QRICH1: variants seen among roughly 807,000 people sequenced by gnomAD.
QRICH1 encodes the protein transcriptional regulator QRICH1.
In QRICH1, 16 loss-of-function variants were observed where a neutral mutation model predicts 87.1. The ratio of observed to expected loss-of-function variants is 0.18; its 90% CI spans 0.12 to 0.28. The LOEUF is 0.28. QRICH1 is among the 10% of genes least tolerant of loss of function. The pLI is 1.00. For missense variants in QRICH1, 647 were observed against 951.7 expected (o/e 0.68, Z 4.21); for synonymous variants, 367 against 368.4 (o/e 1.00, Z 0.05).
intron 4 of QRICH1, 92 bp downstream of exon 4, chr3:49,046,977 C>T (rs2093342596): frequency 2.1e-6 from 3 of 1,417,746 alleles, no homozygotes; most frequent in Non-Finnish European, 2.9e-6. Flanking sequence ...GTCCCCAAGA[C>T]AGGAGACACC....
At chr3:49,082,730 C>T (rs2042086092) in intron 1 of QRICH1, among the ~76,000 whole-genome samples, 1 of 151,564 alleles carries the variant, frequency 6.6e-6, no homozygotes, top group Admixed American at 6.6e-5. Flanking sequence ...CCTGTCTCTA[C>T]TAAAAATACA....
At chr3:49,076,499 T>A (rs1285921740) in intron 2 of QRICH1, among the ~76,000 whole-genome samples, 1 of 148,144 alleles carries the variant, frequency 6.8e-6, no homozygotes, top group Non-Finnish European at 1.5e-5. Flanking sequence ...CTATTCAAAG[T>A]CAGTCCTTGA....
At chr3:49,061,204 C>A (rs1047965081) in intron 2 of QRICH1, among the ~76,000 whole-genome samples, 1 of 144,354 alleles carries the variant, frequency 6.9e-6, no homozygotes, top group South Asian at 2.2e-4. Flanking sequence ...ACAGTTTCAT[C>A]CCAAAGCACC....
At position 49,090,235 on chromosome 3, in the gene QRICH1, G is replaced by A. The variant is rs551008158; in HGVS notation, c.-22+3677C>T. Among the ~76,000 whole-genome samples the A allele has an allele frequency of 2.7e-4, 41 of 152,068 alleles. 1 individual carries two copies. The South Asian group carries it at 7.1e-3, about 26-fold the overall frequency. On this transcript the variant is annotated intron_variant, in intron 1 of 9. Transcript: ENST00000395443. ...AGCACTGTGGGAGGCCGAGGCGGGCGGATCACGAGGTCAGGAGATCAAGAC... is the reference window on the plus strand; with the variant it reads ...AGCACTGTGGGAGGCCGAGGCGGGCAGATCACGAGGTCAGGAGATCAAGAC...
In QRICH1 at chr3:49,093,925, T is replaced by TGCCGCC. The variant is rs540671814; in HGVS notation, c.-41_-36dup. 1.7e-4 allele frequency: 42 copies of TGCCGCC among 242,366 alleles called. No homozygotes were observed. Among genetic ancestry groups the TGCCGCC allele is most frequent in the Middle Eastern group, 1.2e-3 (1 of 812 alleles). 15.0% of individuals were successfully genotyped at this position (242,366 alleles called of 1,614,324 possible). A position where few individuals can be genotyped will look rare whatever the true frequency, so the allele number is the denominator to read the frequency against. On this transcript the variant is annotated 5_prime_UTR_variant, in exon 1 of 10. Coordinates refer to ENST00000395443, the MANE Select transcript of QRICH1 (RefSeq NM_198880.3). ...TGGAGCCCTCACCCGGCGACGTCACTGCCGCCGCCGCCGCCGCCTCCGCTG... is the reference window on the plus strand; with the variant it reads ...TGGAGCCCTCACCCGGCGACGTCACTGCCGCCGCCGCCGCCGCCGCCGCCTCCGCTG...
At chr3:49,051,001 G>A (rs1019698138) in intron 3 of QRICH1, among the ~76,000 whole-genome samples, 5 of 152,088 alleles carry the variant, frequency 3.3e-5, no homozygotes, top group Non-Finnish European at 7.4e-5. Flanking sequence ...ACCAATTACC[G>A]TCTTGCTCAA....
chr3:49,086,539 C>A lies in QRICH1; in HGVS notation c.-22+7373G>T, dbSNP rs559026450. On this transcript the variant is annotated intron_variant, in intron 1 of 9. Transcript: ENST00000395443. ...CTGGGATTACAGGTGTGAGCCACTGCGCCTGGCTCCTCTGTATTTCCTCCT... is the reference window on the plus strand; with the variant it reads ...CTGGGATTACAGGTGTGAGCCACTGAGCCTGGCTCCTCTGTATTTCCTCCT... 2.6e-4 allele frequency among the ~76,000 whole-genome samples: 40 copies of A among 152,092 alleles called. 1 individual carries two copies. Among genetic ancestry groups the A allele is most frequent in the Admixed American group, 2.6e-3 (39 of 15,232 alleles).
Position 49,030,364 on chromosome 3 carries a change from GA to G in QRICH1, c.*87del, listed in dbSNP as rs565387821. Reference sequence around the variant, plus strand: ...TTCGTAACTACACCAATAAAAAAAAGAAAAAAAAAAATGGAGGCCTCTTCTT... The same window carrying G: ...TTCGTAACTACACCAATAAAAAAAAGAAAAAAAAAATGGAGGCCTCTTCTT... On this transcript the variant is annotated 3_prime_UTR_variant, in exon 10 of 10. Transcript: ENST00000395443. 26,166 of 1,005,320 alleles carry G rather than the reference GA, an allele frequency of 0.026. 31 individuals carry two copies. Among genetic ancestry groups the G allele is most frequent in the South Asian group, 0.043 (2,257 of 52,776 alleles). The allele number at this position is 1,005,320 out of a possible 1,614,324, so 62.3% of individuals were successfully genotyped here.
Position 49,032,568 on chromosome 3 carries a change from G to A in QRICH1, c.2047+54C>T, listed in dbSNP as rs1165849322. On this transcript the variant is annotated intron_variant, in intron 8 of 9. Coordinates refer to ENST00000395443, the MANE Select transcript of QRICH1 (RefSeq NM_198880.3). Reference sequence around the variant, plus strand: ...ACTAGCCTCACAGGCACAAGGGCAGGACAGGGCAGGACAAGTAGCACCTGT... The same window carrying A: ...ACTAGCCTCACAGGCACAAGGGCAGAACAGGGCAGGACAAGTAGCACCTGT... 3 of 1,501,950 alleles carry A rather than the reference G, an allele frequency of 2.0e-6. No individual in the cohort carries two copies. In the East Asian group the frequency reaches 6.8e-5, roughly 34 times the overall value. 93.0% of individuals were successfully genotyped at this position (1,501,950 alleles called of 1,614,324 possible). A position where few individuals can be genotyped will look rare whatever the true frequency, so the allele number is the denominator to read the frequency against.
At chr3:49,058,086 G>T in intron 2 of QRICH1, 196 bp from the exon 3 acceptor site, 1 of 890,078 alleles carries the variant, frequency 1.1e-6, no homozygotes, top group Non-Finnish European at 1.7e-6. Flanking sequence ...CAATAACAGG[G>T]ACATATATCC....
At chr3:49,060,870 C>G (rs1304404618) in intron 2 of QRICH1, among the ~76,000 whole-genome samples, 1 of 151,850 alleles carries the variant, frequency 6.6e-6, no homozygotes, top group Non-Finnish European at 1.5e-5. Context: ...TTGGCTCACA[C>G]CTGTAATCCC....
At position 49,055,819 on chromosome 3, in the gene QRICH1, T is replaced by C. The variant is rs527708193; in HGVS notation, c.1338+1043A>G. Among the ~76,000 whole-genome samples, 12 of 152,036 alleles carry C rather than the reference T, an allele frequency of 7.9e-5. No individual in the cohort carries two copies. In the East Asian group the frequency reaches 1.7e-3, roughly 22 times the overall value. On this transcript the variant is annotated intron_variant, in intron 3 of 9. Transcript: ENST00000395443. ...TCCTGAGTAGGATTACCTGGGATTA[T>C]AGGTGTGTGCCACCACACCCGGCTA...
chr3:49,056,164 C>T (rs1452165473), intron 3 of QRICH1, among the ~76,000 whole-genome samples: 5 of 151,960 alleles, frequency 3.3e-5, no homozygotes, highest in Non-Finnish European at 5.9e-5. Context: ...TTAGTAGAGA[C>T]GTGGTTTCAT....
At position 49,039,249 on chromosome 3, in the gene QRICH1, A is replaced by G. The variant is rs547544315; in HGVS notation, c.1786+5141T>C. 3.0e-3 allele frequency among the ~76,000 whole-genome samples: 447 copies of G among 150,294 alleles called. 4 individuals carry two copies. The highest frequency in any genetic ancestry group is 0.01 in the African/African-American group (426 of 40,810). On this transcript the variant is annotated intron_variant, in intron 6 of 9. Transcript: ENST00000395443. ...GCACATGCCTGTAATCCCAGCTACT[A>G]GGGAGGCTGAGGCAGGAGAATTGCT...
At chr3:49,075,268 G>A (rs2041928183) in intron 2 of QRICH1, among the ~76,000 whole-genome samples, 1 of 151,442 alleles carries the variant, frequency 6.6e-6, no homozygotes, top group Admixed American at 6.6e-5. Flanking sequence ...GGTCAAAGCT[G>A]CAGTGAGGAG....
intron 1 of QRICH1, among the ~76,000 whole-genome samples, chr3:49,090,241 C>T (rs560647875): frequency 2.6e-5 from 4 of 152,252 alleles, no homozygotes; most frequent in African/African-American, 7.2e-5. Flanking sequence ...GGGCGGATCA[C>T]GAGGTCAGGA....
chr3:49,046,012 T>C (rs1432058534), intron 5 of QRICH1, among the ~76,000 whole-genome samples: 1 of 150,158 alleles, frequency 6.7e-6, no homozygotes, highest in Non-Finnish European at 1.5e-5. Flanking sequence ...ACCTCCCGGG[T>C]TCAAGCGATT....
At chr3:49,036,696 CA>C (rs11352728) in intron 6 of QRICH1, among the ~76,000 whole-genome samples, 98,900 of 146,060 alleles carry the variant, frequency 0.68, 33,468 homozygotes, top group East Asian at 0.96. Flanking sequence ...AAAGAAAAAA[CA>C]AAAAAAAAAA....
intron 3 of QRICH1, among the ~76,000 whole-genome samples, chr3:49,053,891 G>A (rs1171785826): frequency 6.6e-6 from 1 of 152,124 alleles, no homozygotes; most frequent in Non-Finnish European, 1.5e-5. Context: ...TTCTGCATGT[G>A]CTGTAAAGTG....
Sources: allele counts gnomAD v4.1 joint callset (sites outside exome capture counted in the v4.1 genomes callset), GRCh38; gene constraint gnomAD v4.1.1; transcripts MANE v1.5; gene names NCBI Gene and HGNC (gene_info 2026-07-23, HGNC 2026-07-21).